The following MEPCE variants were observed in gnomAD, a reference collection of about 807,000 sequenced individuals.
The protein encoded by MEPCE is methylphosphate capping enzyme.
A neutral mutation model predicts 52.3 loss-of-function variants in MEPCE; 9 were observed. The observed-to-expected ratio is 0.17, with a 90% CI of 0.10 to 0.30. MEPCE has a LOEUF of 0.30. MEPCE is among the 10% of genes least tolerant of loss of function. MEPCE has a pLI of 1.00. For synonymous variants in MEPCE, 477 were observed against 401.6 expected, an observed-to-expected ratio of 1.19 and a Z score of -2.25; for missense variants, 826 against 933.0, an observed-to-expected ratio of 0.89 and a Z score of 1.49.
In MEPCE at chr7:100,431,034, C is replaced by T; in HGVS notation, c.1016C>T (p.Pro339Leu). 3 of 1,613,908 alleles carry T rather than the reference C, an allele frequency of 1.9e-6. No individual in the cohort carries two copies. Among genetic ancestry groups the T allele is most frequent in the Admixed American group, 3.3e-5 (2 of 60,018 alleles). Residue 339 changes from proline to leucine, a missense_variant, in exon 1 of 4, where the codon CCC becomes CTC. Pro to Leu is a moderately conservative substitution (Grantham distance 98, BLOSUM62 -3). Around this residue, in one of 7 missense-constraint regions of MEPCE, gnomAD observed 307 missense variants for 292.1 expected, o/e 1.05. Coordinates refer to ENST00000310512, the MANE Select transcript of MEPCE (RefSeq NM_019606.6). ...VSPLPSALQG[P>L]SGSLSAPPAA... The stretch of plus-strand genomic sequence containing the variant: ...CCCCTTCCATCTGCTCTGCAGGGTC[C>T]CTCAGGCTCCCTATCAGCCCCTCCA...
intron 3 of MEPCE, 33 bp from the exon 4 acceptor site, chr7:100,433,469 C>T (rs569845346): frequency 1.9e-6 from 3 of 1,613,950 alleles, no homozygotes; most frequent in Non-Finnish European, 2.5e-6. Context: ...TGAGGTGCTG[C>T]CAACCCCTTC....
chr7:100,433,118 G>A lies in MEPCE; in HGVS notation c.1871G>A (p.Gly624Asp). ...GAGCCCCAACCCTGGTCGTCGTATG[G>A]CAAGAGAAAGACTCTTACAGTGAGT... is the stretch of plus-strand genomic sequence containing the variant. ...VLEPQPWSSY[G>D]KRKTLTETIY... The change falls in exon 2 of 4, where the codon GGC becomes GAC. Residue 624 changes from glycine to aspartate, a missense_variant. By Grantham distance (94) the Gly-to-Asp change is moderately conservative (BLOSUM62 -1). Coordinates refer to ENST00000310512, the MANE Select transcript of MEPCE (RefSeq NM_019606.6). 1 of 1,613,990 alleles carries A rather than the reference G, an allele frequency of 6.2e-7. No individual in the cohort carries two copies. The highest frequency in any genetic ancestry group is 8.5e-7 in the Non-Finnish European group (1 of 1,180,038).
In MEPCE at chr7:100,430,775, G is replaced by C. The variant is rs577542807; in HGVS notation, c.757G>C (p.Ala253Pro). Residue 253 changes from alanine (A) to proline (P), a missense_variant, in exon 1 of 4, where the codon GCT becomes CCT. Transcript: ENST00000310512. ...CACTGATGAGGGCCATGTAGTTCTT[G>C]CTTCGCCACTCAAGACTGGTCGGAA... ...TCTDEGHVVL[A>P]SPLKTGRKRH... 22 of 1,613,858 alleles carry C rather than the reference G, an allele frequency of 1.4e-5. No homozygotes were observed. The South Asian group carries it at 2.3e-4, about 17-fold the overall frequency.
rs781236411 is a variant in MEPCE, at chr7:100,431,023, T to C, written c.1005T>C (p.Ala335=). The C allele has an allele frequency of 3.7e-6, 6 of 1,613,786 alleles. No individual in the cohort carries two copies. The South Asian group carries it at 6.6e-5, about 18-fold the overall frequency. The change falls in exon 1 of 4, where the codon GCT becomes GCC. Residue 335 remains alanine (A), a synonymous_variant. Transcript: ENST00000310512. ...RDEVVSPLPS[A]LQGPSGSLSA... is the part of the protein sequence containing the mutation. ...AAGTGGTGTCTCCCCTTCCATCTGC[T>C]CTGCAGGGTCCCTCAGGCTCCCTAT...
At chr7:100,432,160 G>T (rs1198208454) in intron 1 of MEPCE, among the ~76,000 whole-genome samples, 1 of 152,212 alleles carries the variant, frequency 6.6e-6, no homozygotes, top group Non-Finnish European at 1.5e-5. Context: ...GCTCCTATCA[G>T]CGGCTTTTGT....
Position 100,431,494 on chromosome 7 carries a change from CGAG to C in MEPCE, c.1480_1482del (p.Glu494del). The C allele has an allele frequency of 6.2e-7, 1 of 1,613,502 alleles. No homozygotes were observed. The highest frequency in any genetic ancestry group is 1.1e-5 in the South Asian group (1 of 91,082). On this transcript the variant is annotated inframe_deletion, in exon 1 of 4. Coordinates refer to ENST00000310512, the MANE Select transcript of MEPCE (RefSeq NM_019606.6). ...GCCAAAACATCCGACACTACCTTTC[CGAG>C]GAGCTGCGTCTCCCACCCCAGACTT...
intron 3 of MEPCE, 37 bp from the exon 4 acceptor site, chr7:100,433,465 G>A (rs1181558971): frequency 1.9e-6 from 3 of 1,613,876 alleles, no homozygotes; most frequent in Non-Finnish European, 2.5e-6. Context: ...TTCTTGAGGT[G>A]CTGCCAACCC....
In MEPCE at chr7:100,433,151, TGGG is replaced by T. The variant is rs1172496419; in HGVS notation, c.1890+17_1890+19del. 1.2e-6 allele frequency: 2 copies of T among 1,613,682 alleles called. No homozygotes were observed. The highest frequency in any genetic ancestry group is 2.2e-5 in the East Asian group (1 of 44,894). On this transcript the variant is annotated intron_variant, in intron 2 of 3. Transcript: ENST00000310512. ...AAGACTCTTACAGTGAGTTGGGTGT[TGGG>T]GGAATAGTCATTCCTTTGGTTGAGG...
rs1311474719 is a variant in MEPCE at position 100,430,007 on chromosome 7, T to G, written c.-12T>G. The stretch of plus-strand genomic sequence containing the variant: ...CCTCGTTACCCCGACTGGCACGGAA[T>G]AAGGGGAGGAAATGATCGAGATGGC... On this transcript the variant is annotated 5_prime_UTR_variant, in exon 1 of 4. Coordinates refer to ENST00000310512, the MANE Select transcript of MEPCE (RefSeq NM_019606.6). 7.9e-7 allele frequency: 1 copy of G among 1,259,586 alleles called. No homozygotes were observed. The highest frequency in any genetic ancestry group is 1.0e-6 in the Non-Finnish European group (1 of 1,002,422). 78.0% of individuals were successfully genotyped at this position (1,259,586 alleles called of 1,614,324 possible).
chr7:100,431,757 A>C, intron 1 of MEPCE, 68 bp downstream of exon 1: 1 of 1,401,710 alleles, frequency 7.1e-7, no homozygotes, highest in South Asian at 1.4e-5. Flanking sequence ...GGAATGTAGC[A>C]GGGAAGGTTA....
chr7:100,429,824 C>T, upstream of MEPCE: 3 of 426,944 alleles, frequency 7.0e-6, no homozygotes, highest in Non-Finnish European at 1.2e-5. Flanking sequence ...GTTCGGGTCT[C>T]GCGGGCCTCT....
Position 100,433,840 on chromosome 7 carries a change from T to A in MEPCE, c.*286T>A. The stretch of plus-strand genomic sequence containing the variant: ...TGCTGACCTCTGTTCTCTTAGGGCA[T>A]GGGAGGTGGGAGGATATCAAATTCT... On this transcript the variant is annotated 3_prime_UTR_variant, in exon 4 of 4. Transcript: ENST00000310512. The A allele has an allele frequency of 2.1e-6, 1 of 478,132 alleles. No homozygotes were observed. Among genetic ancestry groups the A allele is most frequent in the Non-Finnish European group, 3.7e-6 (1 of 268,110 alleles). The allele number at this position is 478,132 out of a possible 1,614,324, so 29.6% of individuals were successfully genotyped here. A position where few individuals can be genotyped will look rare whatever the true frequency, so the allele number is the denominator to read the frequency against.
At chr7:100,432,889 G>A (rs767376291) in intron 1 of MEPCE, 30 bp from the exon 2 acceptor site, 1 of 1,605,554 alleles carries the variant, frequency 6.2e-7, no homozygotes, top group East Asian at 2.2e-5. Context: ...GATTCCCTCA[G>A]TTGACCTCAC....
chr7:100,431,534 C>T lies in MEPCE; in HGVS notation c.1516C>T (p.Pro506Ser). 1.9e-6 allele frequency: 3 copies of T among 1,613,074 alleles called. No homozygotes were observed. The highest frequency in any genetic ancestry group is 2.5e-6 in the Non-Finnish European group (3 of 1,180,022). Residue 506 changes from proline to serine, a missense_variant, in exon 1 of 4, where the codon CCG (proline) becomes TCG (serine). Physicochemically the swap from Pro to Ser is moderately conservative, Grantham distance 74. Transcript: ENST00000310512. ...CCCACCCCAGACTTTGGAAGGGGACCCGGGGGCAGAGGGTGAGGAAGGGAC... is the reference window on the plus strand; with the variant it reads ...CCCACCCCAGACTTTGGAAGGGGACTCGGGGGCAGAGGGTGAGGAAGGGAC... ...RLPPQTLEGD[P>S]GAEGEEGTTT...
At chr7:100,432,373 G>C (rs1182750575) in intron 1 of MEPCE, among the ~76,000 whole-genome samples, 2 of 152,156 alleles carry the variant, frequency 1.3e-5, no homozygotes, top group African/African-American at 4.8e-5. Context: ...GGGATCTTTG[G>C]CATTGTGTTG....
At chr7:100,429,075 C>G (rs1317104727), upstream of MEPCE, 2 of 152,240 alleles carry the variant, frequency 1.3e-5, no homozygotes, top group Non-Finnish European at 2.9e-5. Context: ...TTTACTGAGC[C>G]CAGTTCCACT....
intron 1 of MEPCE, 100 bp from the exon 2 acceptor site, chr7:100,432,819 A>C: frequency 9.2e-7 from 1 of 1,090,086 alleles, no homozygotes. Flanking sequence ...CCACGGGCTA[A>C]AGTGAGGCCG....
rs750560823 is a variant in MEPCE at position 100,430,688 on chromosome 7, C to G, written c.670C>G (p.Arg224Gly). Reference protein sequence around the residue: ...PKSSPLPAKGRDPVEILIPKD... With the variant: ...PKSSPLPAKGGDPVEILIPKD... ...GTCATCCCCCCTTCCGGCCAAAGGG[C>G]GAGATCCGGTGGAGATCCTCATCCC... The change falls in exon 1 of 4, where the codon CGA becomes GGA. Residue 224 changes from arginine (R) to glycine (G), a missense_variant. This residue lies in a region of MEPCE where 307 missense variants were observed against 292.1 expected (regional missense o/e 1.05). Coordinates refer to ENST00000310512, the MANE Select transcript of MEPCE (RefSeq NM_019606.6). The G allele has an allele frequency of 1.2e-6, 2 of 1,613,850 alleles. No homozygotes were observed. The highest frequency in any genetic ancestry group is 3.3e-5 in the Admixed American group (2 of 60,022).
In MEPCE at chr7:100,430,678, G is replaced by C. The variant is rs757564171; in HGVS notation, c.660G>C (p.Pro220=). The C allele has an allele frequency of 6.2e-7, 1 of 1,613,636 alleles. No homozygotes were observed. Among genetic ancestry groups the C allele is most frequent in the African/African-American group, 1.3e-5 (1 of 74,892 alleles). ...AGACCCCTAAGTCATCCCCCCTTCC[G>C]GCCAAAGGGCGAGATCCGGTGGAGA... ...NAETPKSSPL[P]AKGRDPVEIL... The change falls in exon 1 of 4, where the codon CCG becomes CCC. Residue 220 remains proline (P), a synonymous_variant. Transcript: ENST00000310512.
Sources: allele counts gnomAD v4.1 joint callset (sites outside exome capture counted in the v4.1 genomes callset), GRCh38; gene constraint gnomAD v4.1.1; regional missense constraint gnomAD v4.1.1; transcripts MANE v1.5; gene names NCBI Gene and HGNC (gene_info 2026-07-23, HGNC 2026-07-21).